RARRES1: variants seen among roughly 807,000 people sequenced by gnomAD.
RARRES1 encodes the protein retinoic acid receptor responder protein 1.
A neutral mutation model predicts 30.6 loss-of-function variants in RARRES1; 34 were observed. The ratio of observed to expected loss-of-function variants is 1.11; its 90% CI spans 0.84 to 1.48. RARRES1 has a LOEUF of 1.48. Among genes scored for constraint, RARRES1 ranks in the 40% most tolerant of loss-of-function variants. The pLI is 0.00. For missense variants in RARRES1, 373 were observed against 386.5 expected, an observed-to-expected ratio of 0.97 and a Z score of 0.29; for synonymous variants, 153 against 155.5, an observed-to-expected ratio of 0.98 and a Z score of 0.12.
chr3:158,712,332 A>G (rs1727161561), intron 2 of RARRES1, among the ~76,000 whole-genome samples: 1 of 152,236 alleles, frequency 6.6e-6, no homozygotes, highest in Non-Finnish European at 1.5e-5. Flanking sequence ...TCAAGGTTGC[A>G]GTGAGCCATG....
chr3:158,710,500 G>A (rs538683063), intron 3 of RARRES1, among the ~76,000 whole-genome samples: 7 of 152,092 alleles, frequency 4.6e-5, no homozygotes, highest in African/African-American at 7.2e-5. Flanking sequence ...GAGCCACCGC[G>A]CCCAGCTGGA....
chr3:158,713,705 C>G, intron 2 of RARRES1, 92 bp downstream of exon 2: 1 of 1,257,220 alleles, frequency 8.0e-7, no homozygotes, highest in Non-Finnish European at 1.1e-6. Context: ...AAGCAAACCT[C>G]CAGATCACTA....
rs1055918968 is a variant in RARRES1, at chr3:158,723,609, G to A, written c.276+8531C>T. 9.9e-5 allele frequency among the ~76,000 whole-genome samples: 15 copies of A among 152,228 alleles called. No individual in the cohort carries two copies. Among genetic ancestry groups the A allele is most frequent in the African/African-American group, 3.4e-4 (14 of 41,462 alleles). ...ATGCTTTGCTTTCTCAGGCTAAGTA[G>A]CAATGGAGAGGAAAGCCAGAATACT... On this transcript the variant is annotated intron_variant, in intron 1 of 5. Coordinates refer to ENST00000237696, the MANE Select transcript of RARRES1 (RefSeq NM_206963.2). This position sits in a 1 kb window ranked among gnomAD's most constrained non-coding sequence, Gnocchi z 4.4.
rs768023112 is a variant in RARRES1, at chr3:158,723,979, C to G, written c.276+8161G>C. On this transcript the variant is annotated intron_variant, in intron 1 of 5. Transcript: ENST00000237696. The surrounding 1 kb of genome is among the most constrained non-coding windows in gnomAD (Gnocchi z 4.4). ...AGGAGATAGAGACATGATATAATAC[C>G]TTGCGCCCTGTAGAAGCTGACCGTC... is the stretch of plus-strand genomic sequence containing the variant. Among the ~76,000 whole-genome samples, 1 of 152,162 alleles carries G rather than the reference C, an allele frequency of 6.6e-6. No homozygotes were observed. Among genetic ancestry groups the G allele is most frequent in the Non-Finnish European group, 1.5e-5 (1 of 68,022 alleles).
At chr3:158,712,715 C>G (rs187148877) in intron 2 of RARRES1, among the ~76,000 whole-genome samples, 3 of 152,234 alleles carry the variant, frequency 2.0e-5, no homozygotes, top group Admixed American at 1.3e-4. Context: ...CTTTTCATTT[C>G]CCCCTCAAAA....
intron 4 of RARRES1, among the ~76,000 whole-genome samples, chr3:158,700,832 C>G (rs1726698474): frequency 6.6e-6 from 1 of 152,162 alleles, no homozygotes; most frequent in South Asian, 2.1e-4. Flanking sequence ...TTGTTGCAGA[C>G]AGACTGGAAG....
chr3:158,720,277 A>AT (rs1727474104), intron 1 of RARRES1, among the ~76,000 whole-genome samples: 1 of 107,258 alleles, frequency 9.3e-6, no homozygotes, highest in Non-Finnish European at 2.0e-5. Context: ...TGTGTGTGAG[A>AT]GAGAGAGAGA....
intron 1 of RARRES1, among the ~76,000 whole-genome samples, chr3:158,721,020 A>G (rs1423997729): frequency 1.3e-5 from 2 of 152,210 alleles, no homozygotes; most frequent in African/African-American, 4.8e-5. Context: ...CCAAGACTTT[A>G]GAAGGAGCCC....
At chr3:158,713,388 A>G (rs1210846890) in intron 2 of RARRES1, among the ~76,000 whole-genome samples, 1 of 152,084 alleles carries the variant, frequency 6.6e-6, no homozygotes, top group Admixed American at 6.5e-5. Context: ...ACGTTAGCTC[A>G]TGGGGTTGGT....
rs1049881543 is a variant in RARRES1 at position 158,696,977 on chromosome 3, T to C, written c.*701A>G. 6.6e-6 allele frequency: 1 copy of C among 152,250 alleles called. No homozygotes were observed. Among genetic ancestry groups the C allele is most frequent in the African/African-American group, 2.4e-5 (1 of 41,466 alleles). The allele number at this position is 152,250 out of a possible 1,614,324, so 9.4% of individuals were successfully genotyped here. A position where few individuals can be genotyped will look rare whatever the true frequency, so the allele number is the denominator to read the frequency against. On this transcript the variant is annotated 3_prime_UTR_variant, in exon 6 of 6. Coordinates refer to ENST00000237696, the MANE Select transcript of RARRES1 (RefSeq NM_206963.2). ...TTTGATGCATGTTTGCAGACAGCTTTATCTGGTGAGACAGACGTTCTATTA... is the reference window on the plus strand; with the variant it reads ...TTTGATGCATGTTTGCAGACAGCTTCATCTGGTGAGACAGACGTTCTATTA...
At position 158,730,365 on chromosome 3, in the gene RARRES1, C is replaced by CCCCTTCCTTCCTTCCT. The variant is rs1553746330; in HGVS notation, c.276+1774_276+1775insAGGAAGGAAGGAAGGG. On this transcript the variant is annotated intron_variant, in intron 1 of 5. Coordinates refer to ENST00000237696, the MANE Select transcript of RARRES1 (RefSeq NM_206963.2). Reference sequence around the variant, plus strand: ...AAAGACAGGTGACAAGAATAGGTTGCTCCTTCCTTCCTTCCTTCCTTCCTT... The same window carrying CCCCTTCCTTCCTTCCT: ...AAAGACAGGTGACAAGAATAGGTTGCCCCTTCCTTCCTTCCTTCCTTCCTTCCTTCCTTCCTTCCTT... Among the ~76,000 whole-genome samples, 170 of 120,258 alleles carry CCCCTTCCTTCCTTCCT rather than the reference C, an allele frequency of 1.4e-3. 2 individuals carry two copies. Among genetic ancestry groups the CCCCTTCCTTCCTTCCT allele is most frequent in the East Asian group, 9.0e-3 (31 of 3,428 alleles). 78.9% of individuals were successfully genotyped at this position (120,258 alleles called of 152,430 possible).
intron 1 of RARRES1, among the ~76,000 whole-genome samples, chr3:158,726,221 T>C (rs993827616): frequency 1.3e-5 from 2 of 152,262 alleles, no homozygotes; most frequent in Non-Finnish European, 1.5e-5. Flanking sequence ...TGTTTTGCTT[T>C]CCTAGTCTCC....
At chr3:158,710,613 G>A in intron 3 of RARRES1, 125 bp downstream of exon 3, 1 of 874,206 alleles carries the variant, frequency 1.1e-6, no homozygotes, top group Non-Finnish European at 1.7e-6. Context: ...AATTATGAGG[G>A]ATACCACAAT....
intron 1 of RARRES1, among the ~76,000 whole-genome samples, chr3:158,730,405 TTCCTTCCTTCC>T (rs1727841637): frequency 2.0e-5 from 3 of 148,816 alleles, no homozygotes; most frequent in Non-Finnish European, 4.5e-5. Context: ...CCTTCCTTCC[TTCCTTCCTTCC>T]TCTCTCTCTT....
chr3:158,707,041 C>A (rs544472736), intron 3 of RARRES1, among the ~76,000 whole-genome samples: 1 of 152,062 alleles, frequency 6.6e-6, no homozygotes, highest in Non-Finnish European at 1.5e-5. Flanking sequence ...TGGTGGCACA[C>A]GCCTGTAATC....
intron 1 of RARRES1, among the ~76,000 whole-genome samples, chr3:158,725,257 T>G (rs1727649655): frequency 6.6e-6 from 1 of 152,204 alleles, no homozygotes; most frequent in Non-Finnish European, 1.5e-5. Flanking sequence ...ATTCTTCAAC[T>G]GAGGCACCAT....
chr3:158,713,837 T>G lies in RARRES1; in HGVS notation c.299A>C (p.Lys100Thr). ...RAWINPKEGCKVHVVFSTERY... is the reference protein window; with the variant it reads ...RAWINPKEGCTVHVVFSTERY... ...CTCTGTGCTGAAGACCACGTGAACTTTACATCCCTCTTTTGGATTAATCTG... is the reference window on the plus strand; with the variant it reads ...CTCTGTGCTGAAGACCACGTGAACTGTACATCCCTCTTTTGGATTAATCTG... Residue 100 changes from lysine (K) to threonine (T), a missense_variant, in exon 2 of 6, where the codon AAA (lysine) becomes ACA (threonine). Coordinates refer to ENST00000237696, the MANE Select transcript of RARRES1 (RefSeq NM_206963.2). The G allele has an allele frequency of 6.2e-7, 1 of 1,614,068 alleles. No individual in the cohort carries two copies. Among genetic ancestry groups the G allele is most frequent in the East Asian group, 2.2e-5 (1 of 44,874 alleles).
Position 158,723,281 on chromosome 3 carries a change from A to G in RARRES1, c.276+8859T>C, listed in dbSNP as rs571536402. On this transcript the variant is annotated intron_variant, in intron 1 of 5. Coordinates refer to ENST00000237696, the MANE Select transcript of RARRES1 (RefSeq NM_206963.2). This position sits in a 1 kb window ranked among gnomAD's most constrained non-coding sequence, Gnocchi z 4.4. The stretch of plus-strand genomic sequence containing the variant: ...TCGCCTCCAGCATTCACATTTGATA[A>G]GAAAACATAAATGTCAGGCTATTCC... Among the ~76,000 whole-genome samples, 1 of 152,356 alleles carries G rather than the reference A, an allele frequency of 6.6e-6. No individual in the cohort carries two copies. The highest frequency in any genetic ancestry group is 2.1e-4 in the South Asian group (1 of 4,832).
intron 2 of RARRES1, among the ~76,000 whole-genome samples, chr3:158,711,582 ATGT>A (rs1310238490): frequency 6.9e-6 from 1 of 144,456 alleles, no homozygotes; most frequent in African/African-American, 2.5e-5. Flanking sequence ...TACCTGAGTG[ATGT>A]TTATTTGCAT....
Sources: gnomAD v4.1 joint callset for allele counts (sites outside exome capture counted in the v4.1 genomes callset) on GRCh38, gnomAD v4.1.1 for gene constraint, Gnocchi (gnomAD v3.1) non-coding constraint, MANE v1.5 for transcripts, NCBI Gene and HGNC (gene_info 2026-07-23, HGNC 2026-07-21) for gene names.